MRPS28: variants seen among roughly 807,000 people sequenced by gnomAD.
The protein encoded by MRPS28 is mitochondrial ribosomal protein S28.
In MRPS28, 7 loss-of-function variants were observed where a neutral mutation model predicts 10.8. The ratio of observed to expected loss-of-function variants is 0.65; its 90% CI spans 0.37 to 1.22. The LOEUF (loss-of-function observed/expected upper bound fraction) is 1.22. Ranked by LOEUF, MRPS28 falls within the 50% of genes most tolerant of loss-of-function variation. The pLI is 0.02. For missense variants in MRPS28, 265 were observed against 232.9 expected (o/e 1.14, Z -0.90); for synonymous variants, 121 against 93.3 (o/e 1.30, Z -1.71).
chr8:80,029,425 C>T (rs1003501597), intron 1 of MRPS28, among the ~76,000 whole-genome samples: 9 of 150,484 alleles, frequency 6.0e-5, no homozygotes, highest in Admixed American at 2.6e-4. Context: ...TCTTCCATTT[C>T]ATTTATCTAT....
chr8:80,029,986 G>A (rs1234368790), intron 1 of MRPS28, 50 bp downstream of exon 1: 5 of 1,590,686 alleles, frequency 3.1e-6, no homozygotes, highest in Non-Finnish European at 4.3e-6. Flanking sequence ...CCCGCCCACC[G>A]CGTCGTTGGC....
At chr8:79,966,572 T>C (rs950140399) in intron 2 of MRPS28, among the ~76,000 whole-genome samples, 1 of 152,054 alleles carries the variant, frequency 6.6e-6, no homozygotes, top group Admixed American at 6.6e-5. Flanking sequence ...GGTATTTCTA[T>C]GTAACTCATC....
At chr8:79,920,735 G>T (rs1268111927) in intron 2 of MRPS28, among the ~76,000 whole-genome samples, 2 of 152,086 alleles carry the variant, frequency 1.3e-5, no homozygotes, top group Non-Finnish European at 2.9e-5. Context: ...CCATTCTGTA[G>T]GTTACCTCTT....
intron 1 of MRPS28, among the ~76,000 whole-genome samples, chr8:80,003,655 C>A (rs1808734350): frequency 6.6e-6 from 1 of 152,146 alleles, no homozygotes; most frequent in Admixed American, 6.5e-5. Flanking sequence ...GGGTGCAGGG[C>A]AGTGGGTGCA....
At chr8:80,008,314 A>G (rs1377352337) in intron 1 of MRPS28, among the ~76,000 whole-genome samples, 2 of 152,228 alleles carry the variant, frequency 1.3e-5, no homozygotes, top group Admixed American at 6.5e-5. Context: ...TAAAACCATA[A>G]AAACCCTAGA....
chr8:79,984,762 C>A (rs1232999092), intron 2 of MRPS28, among the ~76,000 whole-genome samples: 2 of 152,078 alleles, frequency 1.3e-5, no homozygotes, highest in African/African-American at 2.4e-5. Flanking sequence ...CAGGAGCACC[C>A]AGATTCATAA....
intron 1 of MRPS28, among the ~76,000 whole-genome samples, chr8:80,021,110 C>T (rs1717352541): frequency 1.3e-5 from 2 of 151,714 alleles, no homozygotes; most frequent in South Asian, 2.1e-4. Context: ...TCAAGCAATT[C>T]TCCCGCCTTA....
At chr8:79,942,165 C>G (rs1806786765) in intron 2 of MRPS28, among the ~76,000 whole-genome samples, 1 of 152,126 alleles carries the variant, frequency 6.6e-6, no homozygotes, top group South Asian at 2.1e-4. Context: ...ACACTTCTGA[C>G]TTGCTCAAGC....
At chr8:79,922,104 A>T (rs1157090731) in intron 2 of MRPS28, among the ~76,000 whole-genome samples, 1 of 152,190 alleles carries the variant, frequency 6.6e-6, no homozygotes, top group Non-Finnish European at 1.5e-5. Flanking sequence ...CTAAAACTTT[A>T]TTTTAAAGTA....
rs571714907 is a variant in MRPS28 at position 80,007,357 on chromosome 8, G to A, written c.214-4177C>T. 1.3e-4 allele frequency among the ~76,000 whole-genome samples: 20 copies of A among 152,192 alleles called. No homozygotes were observed. The South Asian group carries it at 2.9e-3, about 22-fold the overall frequency. ...ACTGGAAGCATTCCCTTTAAAAACTGGTGCAAGAAAGGGATGCCCTCTCTC... is the reference window on the plus strand; with the variant it reads ...ACTGGAAGCATTCCCTTTAAAAACTAGTGCAAGAAAGGGATGCCCTCTCTC... On this transcript the variant is annotated intron_variant, in intron 1 of 2. Transcript: ENST00000276585.
intron 1 of MRPS28, 131 bp downstream of exon 1, chr8:80,029,905 C>T: frequency 1.3e-6 from 2 of 1,536,166 alleles, no homozygotes; most frequent in South Asian, 1.2e-5. Flanking sequence ...CACAACGCAC[C>T]GCAACTCCGG....
chr8:79,987,394 A>G (rs1329511931), intron 2 of MRPS28, among the ~76,000 whole-genome samples: 2 of 152,254 alleles, frequency 1.3e-5, no homozygotes, highest in Non-Finnish European at 2.9e-5. Flanking sequence ...AAACACCAAA[A>G]GCAATGGCAA....
At chr8:80,026,402 T>G (rs1355513175) in intron 1 of MRPS28, among the ~76,000 whole-genome samples, 1 of 152,252 alleles carries the variant, frequency 6.6e-6, no homozygotes, top group African/African-American at 2.4e-5. Flanking sequence ...CACATTCAAC[T>G]GACATGCTCA....
chr8:79,958,601 C>G (rs913244373), intron 2 of MRPS28, among the ~76,000 whole-genome samples: 1 of 151,964 alleles, frequency 6.6e-6, no homozygotes, highest in Non-Finnish European at 1.5e-5. Context: ...GTAAAAAGGG[C>G]TGTCCTGAGC....
At chr8:80,003,708 G>A (rs916259610) in intron 1 of MRPS28, among the ~76,000 whole-genome samples, 12 of 152,116 alleles carry the variant, frequency 7.9e-5, no homozygotes, top group East Asian at 1.9e-4. Flanking sequence ...CCCAGAAAAC[G>A]CAAGGGGTCA....
intron 2 of MRPS28, among the ~76,000 whole-genome samples, chr8:79,920,881 A>G (rs1191170432): frequency 4.6e-5 from 7 of 152,284 alleles, no homozygotes; most frequent in South Asian, 2.1e-4. Flanking sequence ...TGTCCTGAAT[A>G]GTATTGCCTA....
At chr8:79,949,714 T>C (rs373381102) in intron 2 of MRPS28, among the ~76,000 whole-genome samples, 22 of 152,300 alleles carry the variant, frequency 1.4e-4, no homozygotes, top group African/African-American at 4.6e-4. Context: ...AATAACTTTT[T>C]TTAGATGTCA....
chr8:79,968,825 T>C (rs908987322), intron 2 of MRPS28, among the ~76,000 whole-genome samples: 1 of 152,052 alleles, frequency 6.6e-6, no homozygotes, highest in Non-Finnish European at 1.5e-5. Flanking sequence ...GAAGAGACAG[T>C]ATAGTGTGGC....
At position 79,988,214 on chromosome 8, in the gene MRPS28, T is replaced by G. The variant is rs372563703; in HGVS notation, c.395+14785A>C. Among the ~76,000 whole-genome samples, 6 of 137,966 alleles carry G rather than the reference T, an allele frequency of 4.3e-5. No homozygotes were observed. In the South Asian group the frequency reaches 6.8e-4, roughly 16 times the overall value. 90.5% of individuals were successfully genotyped at this position (137,966 alleles called of 152,430 possible). On this transcript the variant is annotated intron_variant, in intron 2 of 2. Coordinates refer to ENST00000276585, the MANE Select transcript of MRPS28 (RefSeq NM_014018.3). ...GCATATTCTCACTCATAGGTGGGAA[T>G]TGAACAATGAGAACACATGGACACA...
Sources: allele counts gnomAD v4.1 joint callset (sites outside exome capture counted in the v4.1 genomes callset), GRCh38; gene constraint gnomAD v4.1.1; transcripts MANE v1.5; gene names NCBI Gene and HGNC (gene_info 2026-07-23, HGNC 2026-07-21).